Variants in LRRC1 observed in about 807,000 individuals in gnomAD.
LRRC1 encodes the protein leucine-rich repeat-containing protein 1.
In LRRC1, 28 loss-of-function variants were observed where a neutral mutation model predicts 69.9. That is an observed-to-expected ratio of 0.40 (90% CI 0.30 to 0.55). The LOEUF is 0.55. Ranked by LOEUF, LRRC1 falls within the 20% of genes least tolerant of loss-of-function variation. The pLI is 0.47. For missense variants in LRRC1, 498 were observed against 609.0 expected, an observed-to-expected ratio of 0.82 and a Z score of 1.92; for synonymous variants, 236 against 240.2, an observed-to-expected ratio of 0.98 and a Z score of 0.16.
chr6:53,856,418 A>G (rs942342370), intron 2 of LRRC1, among the ~76,000 whole-genome samples: 1 of 152,238 alleles, frequency 6.6e-6, no homozygotes, highest in Non-Finnish European at 1.5e-5. Context: ...AGGAGCTGGG[A>G]GGTTGTGGGG....
At chr6:53,900,655 C>G (rs1217954991) in intron 8 of LRRC1, among the ~76,000 whole-genome samples, 1 of 151,988 alleles carries the variant, frequency 6.6e-6, no homozygotes, top group Non-Finnish European at 1.5e-5. Context: ...TGAATTGAGC[C>G]TTTTTTAGTA....
chr6:53,914,612 T>C (rs1768510181), intron 11 of LRRC1, among the ~76,000 whole-genome samples: 1 of 152,336 alleles, frequency 6.6e-6, no homozygotes, highest in African/African-American at 2.4e-5. Context: ...AATATGCCTG[T>C]TCATCATCTT....
intron 10 of LRRC1, among the ~76,000 whole-genome samples, chr6:53,909,186 C>G (rs1411906612): frequency 4.6e-5 from 7 of 152,178 alleles, no homozygotes; most frequent in Admixed American, 4.6e-4. Flanking sequence ...GTGCCAAGGG[C>G]TTTTGCACTT....
chr6:53,802,140 A>T (rs1441569491), intron 1 of LRRC1, among the ~76,000 whole-genome samples: 1 of 152,224 alleles, frequency 6.6e-6, no homozygotes, highest in East Asian at 1.9e-4. Context: ...ATGCCATGAC[A>T]GCTAAGGAGA....
At chr6:53,899,692 C>T in intron 7 of LRRC1, 55 bp from the exon 8 acceptor site, 2 of 1,566,862 alleles carry the variant, frequency 1.3e-6, no homozygotes, top group Admixed American at 3.4e-5. Flanking sequence ...GAACAAATGC[C>T]TCTGCACTGT....
chr6:53,877,810 C>A (rs1045800272), intron 2 of LRRC1, among the ~76,000 whole-genome samples: 6 of 152,190 alleles, frequency 3.9e-5, no homozygotes, highest in Admixed American at 2.6e-4. Context: ...AACTTTCCCA[C>A]GTTTTCCTGT....
intron 1 of LRRC1, among the ~76,000 whole-genome samples, chr6:53,825,182 T>C (rs1765222749): frequency 6.6e-6 from 1 of 152,236 alleles, no homozygotes; most frequent in Non-Finnish European, 1.5e-5. Context: ...AATTTTTCTT[T>C]GTAATTTTGT....
intron 1 of LRRC1, among the ~76,000 whole-genome samples, chr6:53,820,174 T>A (rs1389495721): frequency 6.6e-6 from 1 of 152,042 alleles, no homozygotes; most frequent in African/African-American, 2.4e-5. Flanking sequence ...TACAACTTAC[T>A]GGCTAGTTTC....
At chr6:53,874,077 G>A (rs1237171105) in intron 2 of LRRC1, among the ~76,000 whole-genome samples, 1 of 152,206 alleles carries the variant, frequency 6.6e-6, no homozygotes, top group Non-Finnish European at 1.5e-5. Context: ...CTCATCCTGT[G>A]ATGAATTTGC....
intron 8 of LRRC1, among the ~76,000 whole-genome samples, chr6:53,900,610 A>G (rs533573283): frequency 5.3e-5 from 8 of 152,358 alleles, no homozygotes; most frequent in Non-Finnish European, 1.0e-4. Context: ...GACTTATTCC[A>G]TGACCTAAGG....
At chr6:53,868,020 A>G (rs1485853101) in intron 2 of LRRC1, among the ~76,000 whole-genome samples, 2 of 151,928 alleles carry the variant, frequency 1.3e-5, no homozygotes, top group African/African-American at 2.4e-5. Flanking sequence ...GTTGGTACGT[A>G]GTAATTTTGG....
intron 1 of LRRC1, among the ~76,000 whole-genome samples, chr6:53,830,306 G>A (rs147029677): frequency 1.3e-5 from 2 of 152,316 alleles, no homozygotes; most frequent in African/African-American, 2.4e-5. Flanking sequence ...CAGAAAGAAA[G>A]CAGACTTGTT....
intron 1 of LRRC1, among the ~76,000 whole-genome samples, chr6:53,840,225 A>G (rs1005049255): frequency 1.3e-5 from 2 of 152,160 alleles, no homozygotes; most frequent in African/African-American, 4.8e-5. Flanking sequence ...TTATTCTGTA[A>G]TCATACTTAA....
At chr6:53,800,588 T>C (rs1562020795) in intron 1 of LRRC1, among the ~76,000 whole-genome samples, 2 of 152,058 alleles carry the variant, frequency 1.3e-5, no homozygotes, top group African/African-American at 2.4e-5. Flanking sequence ...TGAAGACATT[T>C]TCCTGGGAGT....
At chr6:53,796,746 C>A (rs1764315138) in intron 1 of LRRC1, among the ~76,000 whole-genome samples, 1 of 152,160 alleles carries the variant, frequency 6.6e-6, no homozygotes, top group South Asian at 2.1e-4. Context: ...CAAAGCCCCC[C>A]AGGCTTTATT....
intron 1 of LRRC1, among the ~76,000 whole-genome samples, chr6:53,838,825 T>C (rs1436195242): frequency 6.6e-6 from 1 of 152,208 alleles, no homozygotes; most frequent in East Asian, 1.9e-4. Context: ...TATAGCTAAT[T>C]GGTAGCATTC....
At chr6:53,900,402 A>G (rs1457099558) in intron 8 of LRRC1, among the ~76,000 whole-genome samples, 2 of 152,204 alleles carry the variant, frequency 1.3e-5, no homozygotes, top group Non-Finnish European at 1.5e-5. Context: ...CTCTACATGC[A>G]GATGTTTCTG....
intron 1 of LRRC1, among the ~76,000 whole-genome samples, chr6:53,837,327 G>A (rs1399418251): frequency 1.3e-5 from 2 of 152,062 alleles, no homozygotes; most frequent in South Asian, 2.1e-4. Context: ...CAAATGATGT[G>A]TACTGTGCAT....
intron 11 of LRRC1, 95 bp downstream of exon 11, chr6:53,914,064 CT>C (rs1768494039): frequency 1.2e-6 from 1 of 807,520 alleles, no homozygotes; most frequent in East Asian, 2.7e-5. Context: ...TTTGCTTTAT[CT>C]TACAGAATAT....
Sources: gnomAD v4.1 joint callset for allele counts (sites outside exome capture counted in the v4.1 genomes callset) on GRCh38, gnomAD v4.1.1 for gene constraint, MANE v1.5 for transcripts, NCBI Gene and HGNC (gene_info 2026-07-23, HGNC 2026-07-21) for gene names.